TRPC4: variants seen among roughly 807,000 people sequenced by gnomAD.
The protein encoded by TRPC4 is transient receptor potential cation channel subfamily C member 4.
Under a neutral mutation model 99.4 loss-of-function variants are expected in TRPC4, and 49 were observed. The ratio of observed to expected loss-of-function variants is 0.49; its 90% CI spans 0.39 to 0.63. The LOEUF (loss-of-function observed/expected upper bound fraction) is 0.63. Among genes scored for constraint, TRPC4 ranks in the 20% least tolerant of loss-of-function variants. The pLI is 0.00. For missense variants in TRPC4, 898 were observed against 1,152.9 expected (o/e 0.78, Z 3.20); for synonymous variants, 454 against 425.9 (o/e 1.07, Z -0.81).
intron 1 of TRPC4, among the ~76,000 whole-genome samples, chr13:37,817,502 T>C (rs1336074303): frequency 6.6e-6 from 1 of 152,012 alleles, no homozygotes; most frequent in African/African-American, 2.4e-5. Flanking sequence ...ATTGAGATTC[T>C]TCAGGGTAGT....
At chr13:37,688,932 T>C (rs1953584733) in intron 4 of TRPC4, among the ~76,000 whole-genome samples, 3 of 152,196 alleles carry the variant, frequency 2.0e-5, no homozygotes, top group Non-Finnish European at 4.4e-5. Context: ...GCTAAGGGAC[T>C]CATGGCCACT....
intron 2 of TRPC4, among the ~76,000 whole-genome samples, chr13:37,780,034 C>T (rs1323196426): frequency 6.6e-6 from 1 of 151,914 alleles, no homozygotes; most frequent in Non-Finnish European, 1.5e-5. Context: ...ACAATCGGAC[C>T]TTAGGACTCT....
chr13:37,863,553 C>A (rs1959538749), intron 1 of TRPC4, among the ~76,000 whole-genome samples: 1 of 151,500 alleles, frequency 6.6e-6, no homozygotes, highest in East Asian at 1.9e-4. Flanking sequence ...CTGCAACTAC[C>A]ACAAAAGAGC....
At chr13:37,809,878 G>T (rs571617194) in intron 1 of TRPC4, among the ~76,000 whole-genome samples, 3 of 152,110 alleles carry the variant, frequency 2.0e-5, no homozygotes, top group East Asian at 1.9e-4. Context: ...CAGGCCTTTC[G>T]TTCTAAACCT....
intron 1 of TRPC4, among the ~76,000 whole-genome samples, chr13:37,809,543 C>T (rs1222692363): frequency 6.6e-6 from 1 of 151,262 alleles, no homozygotes; most frequent in East Asian, 1.9e-4. Context: ...CTATCTCAAA[C>T]TGCAGGCATA....
chr13:37,828,127 C>T (rs999120810), intron 1 of TRPC4, among the ~76,000 whole-genome samples: 5 of 152,174 alleles, frequency 3.3e-5, no homozygotes, highest in African/African-American at 7.2e-5. Flanking sequence ...CGCCCTGCTT[C>T]GGCTGGCGCA....
At chr13:37,852,934 C>T (rs1009519279) in intron 1 of TRPC4, among the ~76,000 whole-genome samples, 1 of 152,150 alleles carries the variant, frequency 6.6e-6, no homozygotes, top group Non-Finnish European at 1.5e-5. Context: ...TGACTTTCAC[C>T]TTAGCTGCAG....
intron 1 of TRPC4, among the ~76,000 whole-genome samples, chr13:37,845,170 A>C (rs1361506714): frequency 1.3e-5 from 2 of 152,200 alleles, no homozygotes; most frequent in Non-Finnish European, 2.9e-5. Flanking sequence ...CTCATCTAGA[A>C]TTTTTAAGCT....
At chr13:37,743,566 T>C (rs1955653770) in intron 3 of TRPC4, among the ~76,000 whole-genome samples, 1 of 152,184 alleles carries the variant, frequency 6.6e-6, no homozygotes, top group African/African-American at 2.4e-5. Context: ...TCTCTCCTAA[T>C]AGGCTATAAG....
chr13:37,715,836 T>C (rs9548033), intron 3 of TRPC4, among the ~76,000 whole-genome samples: 60,529 of 152,042 alleles, frequency 0.4, 12,444 homozygotes, highest in Middle Eastern at 0.51. Context: ...ATATTAAAAA[T>C]TGTCTATCTC....
chr13:37,861,855 C>G (rs559049406), intron 1 of TRPC4, among the ~76,000 whole-genome samples: 166 of 151,594 alleles, frequency 1.1e-3, no homozygotes, highest in African/African-American at 3.7e-3. Context: ...TAGAGGCTCT[C>G]AGATGCTTAG....
At chr13:37,739,192 G>T (rs905367136) in intron 3 of TRPC4, among the ~76,000 whole-genome samples, 1 of 152,136 alleles carries the variant, frequency 6.6e-6, no homozygotes, top group Non-Finnish European at 1.5e-5. Flanking sequence ...TATAAGGGAA[G>T]GTTTTTCAGA....
At chr13:37,662,275 A>C (rs1165655496) in intron 6 of TRPC4, among the ~76,000 whole-genome samples, 1 of 151,876 alleles carries the variant, frequency 6.6e-6, no homozygotes, top group Non-Finnish European at 1.5e-5. Flanking sequence ...ACACCACTGC[A>C]CTCCAGCCTG....
chr13:37,788,409 A>G (rs1437810365), intron 1 of TRPC4, among the ~76,000 whole-genome samples: 1 of 152,066 alleles, frequency 6.6e-6, no homozygotes, highest in African/African-American at 2.4e-5. Flanking sequence ...TCTCTCTAAC[A>G]TGGTGTTTAT....
Position 37,634,170 on chromosome 13 carries a change from A to G in TRPC4, c.*2733T>C, listed in dbSNP as rs1482740189. On this transcript the variant is annotated 3_prime_UTR_variant, in exon 11 of 11. Coordinates refer to ENST00000379705, the MANE Select transcript of TRPC4 (RefSeq NM_016179.4). ...TTTCAAAGTTCTCTGTAGCATTTAG[A>G]AATTTCTGTGGATAGAAATATGAAT... Among the ~76,000 whole-genome samples the G allele has an allele frequency of 2.6e-5, 4 of 152,084 alleles. No homozygotes were observed. The highest frequency in any genetic ancestry group is 4.8e-5 in the African/African-American group (2 of 41,440).
At chr13:37,739,637 C>G (rs1376570611) in intron 3 of TRPC4, among the ~76,000 whole-genome samples, 3 of 151,190 alleles carry the variant, frequency 2.0e-5, no homozygotes, top group Admixed American at 6.6e-5. Context: ...TCCTGAGTAA[C>G]TGGGATTACA....
chr13:37,703,545 G>A lies in TRPC4; in HGVS notation c.898-11210C>T, dbSNP rs189812529. On this transcript the variant is annotated intron_variant, in intron 3 of 10. Transcript: ENST00000379705. ...AAAATTTGAAGAGACAGCATCAAAA[G>A]ATATATAGATGGCAAATAAACACAT... Among the ~76,000 whole-genome samples, 411 of 152,166 alleles carry A rather than the reference G, an allele frequency of 2.7e-3. 4 individuals carry two copies. Among genetic ancestry groups the A allele is most frequent in the African/African-American group, 9.4e-3 (392 of 41,536 alleles).
At chr13:37,640,623 G>A (rs1232359624) in intron 8 of TRPC4, among the ~76,000 whole-genome samples, 4 of 152,122 alleles carry the variant, frequency 2.6e-5, no homozygotes. Context: ...AATGTAGAGA[G>A]CAGCTTGAAA....
At chr13:37,760,714 G>A (rs548318335) in intron 2 of TRPC4, among the ~76,000 whole-genome samples, 1 of 151,732 alleles carries the variant, frequency 6.6e-6, no homozygotes, top group African/African-American at 2.4e-5. Context: ...AGATTTTTTT[G>A]CAATTAAAAA....
Sources: gnomAD v4.1 joint callset for allele counts (sites outside exome capture counted in the v4.1 genomes callset) on GRCh38, gnomAD v4.1.1 for gene constraint, MANE v1.5 for transcripts, NCBI Gene and HGNC (gene_info 2026-07-23, HGNC 2026-07-21) for gene names.